The following RAB1A variants were observed in gnomAD, a reference collection of about 807,000 sequenced individuals.
The protein encoded by RAB1A is ras-related protein Rab-1A.
Under a neutral mutation model 26.0 loss-of-function variants are expected in RAB1A, and 2 were observed. The observed-to-expected ratio is 0.08, with a 90% CI of 0.03 to 0.24. RAB1A has a LOEUF of 0.24. Ranked by LOEUF, RAB1A falls within the 10% of genes least tolerant of loss-of-function variation. The probability of loss-of-function intolerance (pLI) is 1.00; values close to 1 mark genes in which losing one functional copy is unlikely to be tolerated. For missense variants in RAB1A, 100 were observed against 247.0 expected, an observed-to-expected ratio of 0.40 and a Z score of 3.99; for synonymous variants, 84 against 84.9, an observed-to-expected ratio of 0.99 and a Z score of 0.06.
chr2:65,120,746 G>C (rs188012144), intron 1 of RAB1A, among the ~76,000 whole-genome samples: 52 of 152,270 alleles, frequency 3.4e-4, no homozygotes, highest in African/African-American at 1.1e-3. Context: ...TGGGTTAAAT[G>C]TAACAGTCCC....
chr2:65,116,423 A>G lies in RAB1A; in HGVS notation c.24-11617T>C, dbSNP rs75989582. Among the ~76,000 whole-genome samples, 573 of 152,232 alleles carry G rather than the reference A, an allele frequency of 3.8e-3. 2 individuals are homozygous for G. Among genetic ancestry groups the G allele is most frequent in the African/African-American group, 0.013 (550 of 41,546 alleles). On this transcript the variant is annotated intron_variant, in intron 1 of 5. Transcript: ENST00000409784. ...GGCTCTACTGCATACCAGCCATAGGATCTTGGTGCAAGTTATTCACTTACC... is the reference window on the plus strand; with the variant it reads ...GGCTCTACTGCATACCAGCCATAGGGTCTTGGTGCAAGTTATTCACTTACC...
chr2:65,096,806 C>A (rs145999765), intron 3 of RAB1A, among the ~76,000 whole-genome samples: 1 of 152,320 alleles, frequency 6.6e-6, no homozygotes, highest in East Asian at 1.9e-4. Context: ...AAGGGAGCAA[C>A]TTAACCTATC....
chr2:65,130,021 C>T lies in RAB1A; in HGVS notation c.-106G>A, dbSNP rs1432933340. 8.6e-6 allele frequency: 11 copies of T among 1,276,446 alleles called. No homozygotes were observed. The highest frequency in any genetic ancestry group is 1.2e-5 in the Non-Finnish European group (11 of 900,240). The allele number at this position is 1,276,446 out of a possible 1,614,324, so 79.1% of individuals were successfully genotyped here. ...AAAGAAAGGAATGAGATAGGCTGTT[C>T]CGGGAGAGCAAACGTCTTCCCCTAC... is the stretch of plus-strand genomic sequence containing the variant. On this transcript the variant is annotated 5_prime_UTR_variant, in exon 1 of 6. Transcript: ENST00000409784.
At position 65,088,545 on chromosome 2, in the gene RAB1A, T is replaced by C. The variant is rs61748092; in HGVS notation, c.566A>G (p.Asn189Ser). The part of the protein sequence containing the change: ...GATAGGAEKS[N>S]VKIQSTPVKQ... The stretch of plus-strand genomic sequence containing the variant: ...GACTGGAGTGCTCTGAATTTTAACA[T>C]TGGACTTCTCAGCACCACCAGCTGT... Residue 189 changes from asparagine (N) to serine (S), a missense_variant, in exon 6 of 6, where the codon AAT becomes AGT. Coordinates refer to ENST00000409784, the MANE Select transcript of RAB1A (RefSeq NM_004161.5). The C allele has an allele frequency of 0.013, 21,108 of 1,613,482 alleles. 162 individuals carry two copies. The highest frequency in any genetic ancestry group is 0.016 in the Non-Finnish European group (18,833 of 1,179,702).
At chr2:65,126,328 G>C (rs897155619) in intron 1 of RAB1A, among the ~76,000 whole-genome samples, 2 of 150,202 alleles carry the variant, frequency 1.3e-5, no homozygotes, top group African/African-American at 4.9e-5. Flanking sequence ...AAAAGAAAAA[G>C]AAAAGAAAAC....
intron 1 of RAB1A, among the ~76,000 whole-genome samples, chr2:65,109,906 T>C (rs1351091956): frequency 6.6e-6 from 1 of 152,168 alleles, no homozygotes; most frequent in East Asian, 1.9e-4. Flanking sequence ...ACCCTTACGT[T>C]TGACATAGCT....
At chr2:65,108,233 G>C (rs1669609630) in intron 1 of RAB1A, among the ~76,000 whole-genome samples, 1 of 151,186 alleles carries the variant, frequency 6.6e-6, no homozygotes, top group Non-Finnish European at 1.5e-5. Context: ...GTGGTGGCAG[G>C]CGCCTGTAAT....
intron 1 of RAB1A, among the ~76,000 whole-genome samples, chr2:65,108,141 C>T (rs1231774142): frequency 2.6e-5 from 4 of 151,410 alleles, no homozygotes; most frequent in Non-Finnish European, 4.4e-5. Context: ...TGCAGTGGAT[C>T]ACCTGAGTTC....
intron 1 of RAB1A, among the ~76,000 whole-genome samples, chr2:65,120,455 CA>C (rs67617654): frequency 0.2 from 11,251 of 56,746 alleles, 288 homozygotes; most frequent in East Asian, 0.32. Flanking sequence ...CACCTTGTCT[CA>C]AAAAAAAAAA....
intron 1 of RAB1A, among the ~76,000 whole-genome samples, chr2:65,122,524 TGCACTGTA>T (rs1450905602): frequency 6.6e-6 from 1 of 152,120 alleles, no homozygotes; most frequent in Non-Finnish European, 1.5e-5. Flanking sequence ...ATTGCATCAC[TGCACTGTA>T]GCCTGCGTGA....
chr2:65,108,674 C>T (rs1005315078), intron 1 of RAB1A, among the ~76,000 whole-genome samples: 2 of 151,810 alleles, frequency 1.3e-5, no homozygotes, highest in South Asian at 2.1e-4. Context: ...GGCATGGTAG[C>T]GCATGCCTGT....
At chr2:65,104,896 A>G in intron 1 of RAB1A, 90 bp from the exon 2 acceptor site, 1 of 1,068,534 alleles carries the variant, frequency 9.4e-7, no homozygotes, top group Non-Finnish European at 1.5e-6. Context: ...ACAAATAACA[A>G]CTCACTGTGA....
intron 1 of RAB1A, among the ~76,000 whole-genome samples, chr2:65,124,970 C>A (rs1325348576): frequency 6.6e-6 from 1 of 151,158 alleles, no homozygotes; most frequent in Non-Finnish European, 1.5e-5. Flanking sequence ...TTCAAACCAC[C>A]ACCAAAAGTC....
At chr2:65,101,039 G>C (rs188872084) in intron 2 of RAB1A, among the ~76,000 whole-genome samples, 1 of 151,808 alleles carries the variant, frequency 6.6e-6, no homozygotes, top group Admixed American at 6.6e-5. Context: ...CCAGCTACTC[G>C]GGAGGCTGAG....
At chr2:65,117,399 A>G (rs950715993) in intron 1 of RAB1A, among the ~76,000 whole-genome samples, 2 of 151,908 alleles carry the variant, frequency 1.3e-5, no homozygotes, top group Admixed American at 1.3e-4. Context: ...GGATCTTACT[A>G]GGTTGCTCAG....
At chr2:65,092,050 G>A (rs908875356) in intron 3 of RAB1A, among the ~76,000 whole-genome samples, 6 of 152,204 alleles carry the variant, frequency 3.9e-5, no homozygotes, top group Middle Eastern at 6.8e-3. Context: ...CGAGACGGGC[G>A]GATTACGAGC....
At chr2:65,116,709 A>G (rs1669835991) in intron 1 of RAB1A, among the ~76,000 whole-genome samples, 1 of 152,254 alleles carries the variant, frequency 6.6e-6, no homozygotes, top group South Asian at 2.1e-4. Context: ...TCAGTGACAA[A>G]GGAACACAGG....
intron 3 of RAB1A, among the ~76,000 whole-genome samples, chr2:65,092,088 C>T (rs550213952): frequency 6.6e-6 from 1 of 152,228 alleles, no homozygotes; most frequent in East Asian, 1.9e-4. Flanking sequence ...GCCTGACCAA[C>T]ATGGTGAAAC....
chr2:65,128,038 T>G (rs1670143602), intron 1 of RAB1A, among the ~76,000 whole-genome samples: 1 of 152,098 alleles, frequency 6.6e-6, no homozygotes, highest in Non-Finnish European at 1.5e-5. Flanking sequence ...CTGGCCTATA[T>G]CTAAACTTCT....
Sources: allele counts gnomAD v4.1 joint callset (sites outside exome capture counted in the v4.1 genomes callset), GRCh38; gene constraint gnomAD v4.1.1; transcripts MANE v1.5; gene names NCBI Gene and HGNC (gene_info 2026-07-23, HGNC 2026-07-21).